KLHDC4: variants seen among roughly 807,000 people sequenced by gnomAD.
KLHDC4 encodes the protein kelch domain containing 4.
In KLHDC4, 90 loss-of-function variants were observed where a neutral mutation model predicts 62.4. The ratio of observed to expected loss-of-function variants is 1.44; its 90% CI spans 1.22 to 1.72. KLHDC4 has a LOEUF of 1.72. Among genes scored for constraint, KLHDC4 ranks in the 40% most tolerant of loss-of-function variants. The pLI is 0.00. For missense variants in KLHDC4, 1,025 were observed against 699.7 expected (o/e 1.47, Z -5.25); for synonymous variants, 386 against 284.4 (o/e 1.36, Z -3.59).
At chr16:87,724,148 T>C (rs1384228252) in intron 7 of KLHDC4, among the ~76,000 whole-genome samples, 1 of 152,118 alleles carries the variant, frequency 6.6e-6, no homozygotes, top group African/African-American at 2.4e-5. Flanking sequence ...TAAAAAGCCT[T>C]TCCAACAGAT....
intron 9 of KLHDC4, 68 bp downstream of exon 9, chr16:87,711,167 G>A: frequency 3.3e-6 from 5 of 1,530,902 alleles, no homozygotes; most frequent in Non-Finnish European, 4.5e-6. Context: ...GCTGGAGGAA[G>A]GCAGTGGTGG....
At chr16:87,725,261 C>G (rs1034901395) in intron 7 of KLHDC4, among the ~76,000 whole-genome samples, 1 of 152,190 alleles carries the variant, frequency 6.6e-6, no homozygotes, top group Admixed American at 6.5e-5. Context: ...AAAAATGTGT[C>G]CCCTCACTGT....
chr16:87,748,772 A>T lies in KLHDC4; in HGVS notation c.407T>A (p.Val136Asp). The T allele has an allele frequency of 6.2e-7, 1 of 1,612,558 alleles. No individual in the cohort carries two copies. Among genetic ancestry groups the T allele is most frequent in the Non-Finnish European group, 8.5e-7 (1 of 1,179,614 alleles). The change falls in exon 5 of 12, where the codon GTC (valine) becomes GAC (aspartate). Residue 136 changes from valine to aspartate, a missense_variant. By Grantham distance (152) the Val-to-Asp change is radical (BLOSUM62 -3). Transcript: ENST00000270583. ...GGGAGAGGCAAACTCCCCTCCAAAG[A>T]CCCACAGCTGTCCGCCACCTTGAGG... ...VVPQGGGQLWVFGGEFASPNG... is the reference protein window; with the variant it reads ...VVPQGGGQLWDFGGEFASPNG...
rs556448892 is a variant in KLHDC4 at position 87,724,081 on chromosome 16, G to A, written c.759+2684C>T. Reference sequence around the variant, plus strand: ...TCGAACTCCTGACCTCGAGTGATCCGCCCGACTCAGCCTCCCAAAGTGCTG... The same window carrying A: ...TCGAACTCCTGACCTCGAGTGATCCACCCGACTCAGCCTCCCAAAGTGCTG... On this transcript the variant is annotated intron_variant, in intron 7 of 11. Coordinates refer to ENST00000270583, the MANE Select transcript of KLHDC4 (RefSeq NM_017566.4). Among the ~76,000 whole-genome samples the A allele has an allele frequency of 3.9e-5, 6 of 152,130 alleles. No individual in the cohort carries two copies. In the East Asian group the frequency reaches 7.7e-4, roughly 20 times the overall value.
At position 87,723,036 on chromosome 16, in the gene KLHDC4, C is replaced by A. The variant is rs148861847; in HGVS notation, c.759+3729G>T. 1.5e-3 allele frequency among the ~76,000 whole-genome samples: 233 copies of A among 152,322 alleles called. 1 individual carries two copies. The highest frequency in any genetic ancestry group is 5.5e-3 in the African/African-American group (229 of 41,572). ...AGCAGCACAGCACAGCTGGGTCATG[C>A]CAAGAGGACAGAGCATGGCGGGTGA... is the stretch of plus-strand genomic sequence containing the variant. On this transcript the variant is annotated intron_variant, in intron 7 of 11. Coordinates refer to ENST00000270583, the MANE Select transcript of KLHDC4 (RefSeq NM_017566.4).
chr16:87,698,579 G>C (rs965123867), exon 1 of KLHDC4: 1 of 152,278 alleles, frequency 6.6e-6, no homozygotes, highest in Non-Finnish European at 1.5e-5. Flanking sequence ...ACACAACCTA[G>C]AAAACCAAGG....
chr16:87,714,049 C>T (rs916943624), intron 8 of KLHDC4, among the ~76,000 whole-genome samples: 4 of 152,150 alleles, frequency 2.6e-5, no homozygotes, highest in African/African-American at 7.2e-5. Context: ...GAAGCCCACA[C>T]CCAGCCTGCC....
chr16:87,701,933 C>T (rs1183728894), exon 1 of KLHDC4: 1 of 456,260 alleles, frequency 2.2e-6, no homozygotes, highest in East Asian at 7.0e-5. Context: ...GCCCTCCCAG[C>T]AGTGGTAGAT....
intron 7 of KLHDC4, among the ~76,000 whole-genome samples, chr16:87,724,305 C>T (rs1393107100): frequency 6.6e-6 from 1 of 152,162 alleles, no homozygotes; most frequent in Non-Finnish European, 1.5e-5. Flanking sequence ...ATCTTTGTTA[C>T]TGAAGCTAAA....
rs77911757 is a variant in KLHDC4, at chr16:87,746,946, C to T, written c.506+1727G>A. Among the ~76,000 whole-genome samples, 769 of 152,358 alleles carry T rather than the reference C, an allele frequency of 5.0e-3. 6 individuals are homozygous for T. The highest frequency in any genetic ancestry group is 0.017 in the African/African-American group (720 of 41,576). ...GCAGCTGCCACGGATGTCCCGCGTA[C>T]GACCGAGCCTGCAGTGTGGGATGCA... On this transcript the variant is annotated intron_variant, in intron 5 of 11. Transcript: ENST00000270583.
intron 5 of KLHDC4, among the ~76,000 whole-genome samples, chr16:87,745,680 G>C (rs1453124809): frequency 6.6e-6 from 1 of 152,190 alleles, no homozygotes; most frequent in Non-Finnish European, 1.5e-5. Flanking sequence ...TCTTCAAGAC[G>C]ACATTGGGGC....
chr16:87,724,769 T>C (rs770774762), intron 7 of KLHDC4, among the ~76,000 whole-genome samples: 5 of 152,134 alleles, frequency 3.3e-5, no homozygotes, highest in African/African-American at 7.2e-5. Context: ...GAGCTGACCA[T>C]TCCTTATTAA....
In KLHDC4 at chr16:87,701,055, G is replaced by A. The variant is rs192553366; in HGVS notation, c.*584C>T. Reference sequence around the variant, plus strand: ...CAGCCTTCAAAACAAGCAAGGAAGAGTGCAGCTGCATTTGTTGAAAAAAAG... The same window carrying A: ...CAGCCTTCAAAACAAGCAAGGAAGAATGCAGCTGCATTTGTTGAAAAAAAG... On this transcript the variant is annotated 3_prime_UTR_variant, in exon 1 of 1. Transcript: ENST00000446344. 2.0e-5 allele frequency: 4 copies of A among 198,302 alleles called. No homozygotes were observed. The East Asian group carries it at 7.1e-4, about 35-fold the overall frequency. The allele number at this position is 198,302 out of a possible 1,614,324, so 12.3% of individuals were successfully genotyped here.
At chr16:87,728,800 G>A (rs1019619551) in intron 6 of KLHDC4, among the ~76,000 whole-genome samples, 4 of 152,072 alleles carry the variant, frequency 2.6e-5, no homozygotes, top group Non-Finnish European at 5.9e-5. Context: ...CGAACATAGT[G>A]AAACCCCGTC....
Position 87,729,751 on chromosome 16 carries a change from G to A in KLHDC4, c.599+801C>T, listed in dbSNP as rs116468854. On this transcript the variant is annotated intron_variant, in intron 6 of 11. Coordinates refer to ENST00000270583, the MANE Select transcript of KLHDC4 (RefSeq NM_017566.4). ...TGTGCTATCACTGCTCTCCCGGACAGGAGTGTTTTGAAGTGATTACAGACC... is the reference window on the plus strand; with the variant it reads ...TGTGCTATCACTGCTCTCCCGGACAAGAGTGTTTTGAAGTGATTACAGACC... Among the ~76,000 whole-genome samples the A allele has an allele frequency of 3.8e-3, 573 of 152,258 alleles. 3 individuals are homozygous for A. Among genetic ancestry groups the A allele is most frequent in the African/African-American group, 0.013 (556 of 41,536 alleles).
At chr16:87,764,765 G>A (rs1030050804) in intron 1 of KLHDC4, among the ~76,000 whole-genome samples, 1 of 144,034 alleles carries the variant, frequency 6.9e-6, no homozygotes, top group African/African-American at 2.6e-5. Context: ...GACTTCCTGT[G>A]CCACAACCCT....
chr16:87,749,340 G>A (rs553532797), intron 4 of KLHDC4, among the ~76,000 whole-genome samples: 3 of 152,126 alleles, frequency 2.0e-5, no homozygotes, highest in Admixed American at 2.0e-4. Flanking sequence ...CAGATCACGA[G>A]ATCAAGAAAT....
intron 5 of KLHDC4, among the ~76,000 whole-genome samples, chr16:87,743,452 A>G (rs1355917485): frequency 6.6e-6 from 1 of 152,116 alleles, no homozygotes; most frequent in Non-Finnish European, 1.5e-5. Flanking sequence ...TAAAAAAAAT[A>G]AACCTGGCCA....
At chr16:87,727,328 A>T (rs768040726) in intron 6 of KLHDC4, among the ~76,000 whole-genome samples, 41 of 152,344 alleles carry the variant, frequency 2.7e-4, no homozygotes, top group Non-Finnish European at 4.4e-4. Context: ...CAGTTAACAC[A>T]ATCAGAGACA....
Sources: allele counts gnomAD v4.1 joint callset (sites outside exome capture counted in the v4.1 genomes callset), GRCh38; gene constraint gnomAD v4.1.1; transcripts MANE v1.5; gene names NCBI Gene and HGNC (gene_info 2026-07-23, HGNC 2026-07-21).